PTPRD: variants seen among roughly 807,000 people sequenced by gnomAD.
PTPRD encodes receptor-type tyrosine-protein phosphatase delta.
A neutral mutation model predicts 214.5 loss-of-function variants in PTPRD; 34 were observed. The observed-to-expected ratio is 0.16, with a 90% CI of 0.12 to 0.21. The LOEUF is 0.21. Ranked by LOEUF, PTPRD falls within the 10% of genes least tolerant of loss-of-function variation. The pLI is 1.00. For missense variants in PTPRD, 2,545 were observed against 2,398.7 expected, an observed-to-expected ratio of 1.06 and a Z score of -1.27; for synonymous variants, 1,128 against 845.7, an observed-to-expected ratio of 1.33 and a Z score of -5.79.
chr9:8,876,619 G>A (rs1469949490), intron 11 of PTPRD, among the ~76,000 whole-genome samples: 1 of 152,084 alleles, frequency 6.6e-6, no homozygotes, highest in Non-Finnish European at 1.5e-5. Context: ...GAATTCATAG[G>A]TTCGTAAGTC....
rs563139784 is a variant in PTPRD at position 9,588,071 on chromosome 9, A to T, written c.-286-13290T>A. On this transcript the variant is annotated intron_variant, in intron 7 of 45. Transcript: ENST00000381196. ...ATCTCAAATATCCTGACTTGATCATAACACATTCCAAACATGTAACAAACA... is the reference window on the plus strand; with the variant it reads ...ATCTCAAATATCCTGACTTGATCATTACACATTCCAAACATGTAACAAACA... 1.1e-4 allele frequency among the ~76,000 whole-genome samples: 17 copies of T among 152,102 alleles called. 2 individuals carry two copies. In the South Asian group the frequency reaches 3.5e-3, roughly 32 times the overall value.
intron 12 of PTPRD, among the ~76,000 whole-genome samples, chr9:8,652,039 G>A (rs953716815): frequency 6.6e-6 from 1 of 152,162 alleles, no homozygotes; most frequent in Admixed American, 6.6e-5. Context: ...GAATATGGGA[G>A]GCTTTCCAAA....
intron 11 of PTPRD, among the ~76,000 whole-genome samples, chr9:8,760,904 G>T (rs1166349019): frequency 1.3e-5 from 2 of 152,160 alleles, no homozygotes; most frequent in East Asian, 3.9e-4. Context: ...GAAGATGTGA[G>T]TAGTTCCACT....
chr9:9,836,479 G>T (rs10117487), intron 5 of PTPRD, among the ~76,000 whole-genome samples: 1 of 151,864 alleles, frequency 6.6e-6, no homozygotes, highest in Non-Finnish European at 1.5e-5. Context: ...ACCAAATCTC[G>T]CCTGACTACT....
Position 8,973,031 on chromosome 9 carries a change from T to C in PTPRD, c.-104+45666A>G, listed in dbSNP as rs535929552. On this transcript the variant is annotated intron_variant, in intron 11 of 45. Coordinates refer to ENST00000381196, the MANE Select transcript of PTPRD (RefSeq NM_002839.4). ...GGGAGAAAAAAAAAAAACACTTTCA[T>C]AGCTGAAAGATATTATTGAGAAGTA... 6.6e-5 allele frequency among the ~76,000 whole-genome samples: 10 copies of C among 151,722 alleles called. No homozygotes were observed. In the East Asian group the frequency reaches 1.9e-3, roughly 29 times the overall value.
In PTPRD at chr9:8,365,410, G is replaced by A. The variant is rs1288967691; in HGVS notation, c.4661+10526C>T. On this transcript the variant is annotated intron_variant, in intron 39 of 45. Transcript: ENST00000381196. ...AGTAATCAGGTAGCAGTTATGAAAT[G>A]CATTTTTGAGAATGGACTTTTTTCC... Among the ~76,000 whole-genome samples, 13 of 152,302 alleles carry A rather than the reference G, an allele frequency of 8.5e-5. No homozygotes were observed. In the South Asian group the frequency reaches 2.7e-3, roughly 32 times the overall value.
rs539411168 is a variant in PTPRD, at chr9:9,563,441, G to A, written c.-237+11291C>T. On this transcript the variant is annotated intron_variant, in intron 8 of 45. Coordinates refer to ENST00000381196, the MANE Select transcript of PTPRD (RefSeq NM_002839.4). ...TTTCTTCTATCTGTACCCAAACCAT[G>A]GATCACTCTCTCCTTATTTTATTCT... is the stretch of plus-strand genomic sequence containing the variant. 3.9e-5 allele frequency among the ~76,000 whole-genome samples: 6 copies of A among 152,140 alleles called. No homozygotes were observed. In the South Asian group the frequency reaches 1.2e-3, roughly 32 times the overall value.
At chr9:10,462,675 A>G (rs964318146) in intron 2 of PTPRD, among the ~76,000 whole-genome samples, 6 of 151,908 alleles carry the variant, frequency 3.9e-5, no homozygotes, top group Admixed American at 3.3e-4. Flanking sequence ...GTGAGCTAGT[A>G]TTGGAAGTGC....
intron 9 of PTPRD, among the ~76,000 whole-genome samples, chr9:9,254,588 C>T (rs2099976915): frequency 6.6e-6 from 1 of 151,928 alleles, no homozygotes; most frequent in South Asian, 2.1e-4. Flanking sequence ...ATATATCTTT[C>T]AATAGTGAAA....
At chr9:8,515,255 G>A (rs547865972) in intron 21 of PTPRD, among the ~76,000 whole-genome samples, 280 of 152,162 alleles carry the variant, frequency 1.8e-3, no homozygotes, top group Non-Finnish European at 2.7e-3. Flanking sequence ...TTGGCAAGTG[G>A]GATAATTCCA....
At chr9:9,248,684 T>C (rs975918641) in intron 9 of PTPRD, among the ~76,000 whole-genome samples, 1 of 152,098 alleles carries the variant, frequency 6.6e-6, no homozygotes, top group African/African-American at 2.4e-5. Context: ...ACAGTCTAGC[T>C]AAGGGAATGA....
intron 2 of PTPRD, among the ~76,000 whole-genome samples, chr9:10,571,735 T>C (rs1010798436): frequency 6.6e-6 from 1 of 152,154 alleles, no homozygotes; most frequent in Non-Finnish European, 1.5e-5. Flanking sequence ...GGGGATGGAT[T>C]CCAGATGAAA....
intron 2 of PTPRD, among the ~76,000 whole-genome samples, chr9:10,492,599 G>T (rs184599709): frequency 1.8e-4 from 27 of 152,198 alleles, no homozygotes; most frequent in East Asian, 5.8e-4. Flanking sequence ...ATTCCTTGTA[G>T]ATTCTGGATA....
At chr9:8,739,855 T>G (rs922077347) in intron 11 of PTPRD, among the ~76,000 whole-genome samples, 1 of 152,166 alleles carries the variant, frequency 6.6e-6, no homozygotes, top group African/African-American at 2.4e-5. Context: ...TCATGAGATC[T>G]GATGATTACG....
intron 3 of PTPRD, among the ~76,000 whole-genome samples, chr9:10,178,712 G>T (rs2099263944): frequency 6.6e-6 from 1 of 151,838 alleles, no homozygotes; most frequent in Non-Finnish European, 1.5e-5. Flanking sequence ...GATATTCTAG[G>T]CCATATAATA....
chr9:8,937,611 G>T (rs2099006378), intron 11 of PTPRD, among the ~76,000 whole-genome samples: 1 of 152,114 alleles, frequency 6.6e-6, no homozygotes, highest in Non-Finnish European at 1.5e-5. Flanking sequence ...TTGCATTGCA[G>T]CTTGGAATGT....
chr9:10,237,094 T>C (rs1205093158), intron 3 of PTPRD, among the ~76,000 whole-genome samples: 3 of 151,870 alleles, frequency 2.0e-5, no homozygotes, highest in African/African-American at 7.2e-5. Flanking sequence ...ATTTGGATGA[T>C]CATGATGTAT....
At chr9:10,093,655 C>T (rs901349834) in intron 3 of PTPRD, among the ~76,000 whole-genome samples, 2 of 151,484 alleles carry the variant, frequency 1.3e-5, no homozygotes, top group Admixed American at 6.6e-5. Context: ...AAGTTCATTA[C>T]AACACCATTT....
At chr9:8,707,740 T>C (rs935527498) in intron 12 of PTPRD, among the ~76,000 whole-genome samples, 3 of 152,226 alleles carry the variant, frequency 2.0e-5, no homozygotes, top group African/African-American at 7.2e-5. Context: ...CCATGGCCAC[T>C]ACTAAAGTAT....
Sources: allele counts gnomAD v4.1 joint callset (sites outside exome capture counted in the v4.1 genomes callset), GRCh38; gene constraint gnomAD v4.1.1; transcripts MANE v1.5; gene names NCBI Gene and HGNC (gene_info 2026-07-23, HGNC 2026-07-21).